Variants in MED22 observed in about 807,000 individuals in gnomAD.
MED22 encodes the protein mediator complex subunit 22, also known as mediator of RNA polymerase II transcription subunit 22.
MED22 carries 22 observed loss-of-function variants against 22.7 expected under a neutral mutation model. That is an observed-to-expected ratio of 0.97 (90% CI 0.69 to 1.38). The LOEUF is 1.38. Ranked by LOEUF, MED22 falls within the 40% of genes most tolerant of loss-of-function variation. MED22 has a pLI of 0.00. For synonymous variants in MED22, 134 were observed against 119.4 expected, an observed-to-expected ratio of 1.12 and a Z score of -0.80; for missense variants, 247 against 263.0, an observed-to-expected ratio of 0.94 and a Z score of 0.42.
At chr9:133,343,413 C>T in intron 4 of MED22, 1 of 1,224,874 alleles carries the variant, frequency 8.2e-7, no homozygotes, top group Admixed American at 4.2e-5. Flanking sequence ...TTCTCAGGGC[C>T]CCTCCAGCTC....
rs1835960488 is a variant in MED22 at position 133,339,468 on chromosome 9, G to T, written c.*2037C>A. 2.8e-6 allele frequency: 2 copies of T among 714,594 alleles called. No individual in the cohort carries two copies. The highest frequency in any genetic ancestry group is 2.6e-6 in the Non-Finnish European group (1 of 390,476). 44.3% of individuals were successfully genotyped at this position (714,594 alleles called of 1,614,324 possible). ...TTCCCTATGAATTCATGGCATCGTG[G>T]GTGTTAAAAAAATAAAAGACCTCTG... On this transcript the variant is annotated 3_prime_UTR_variant, in exon 5 of 5. Coordinates refer to ENST00000343730, the MANE Select transcript of MED22 (RefSeq NM_133640.5).
intron 4 of MED22, chr9:133,342,729 A>T (rs1836047027): frequency 1.0e-6 from 1 of 985,840 alleles, no homozygotes; most frequent in Admixed American, 6.1e-5. Flanking sequence ...GGCCTGCGGG[A>T]GGGGACACAG....
chr9:133,346,440 T>A, intron 2 of MED22, 100 bp downstream of exon 2: 1 of 1,481,246 alleles, frequency 6.8e-7, no homozygotes, highest in East Asian at 2.3e-5. Context: ...GGGTGCTTCC[T>A]GCCTAGAACA....
At chr9:133,343,634 G>A (rs2129957354) in intron 4 of MED22, 2 of 1,248,312 alleles carry the variant, frequency 1.6e-6, no homozygotes, top group Non-Finnish European at 1.0e-6. Flanking sequence ...TCCCATGACT[G>A]TCCCTGCCTC....
chr9:133,339,462 A>T lies in MED22; in HGVS notation c.*2043T>A. On this transcript the variant is annotated 3_prime_UTR_variant, in exon 5 of 5. Coordinates refer to ENST00000343730, the MANE Select transcript of MED22 (RefSeq NM_133640.5). ...AACCTCTTCCCTATGAATTCATGGC[A>T]TCGTGGGTGTTAAAAAAATAAAAGA... The T allele has an allele frequency of 1.4e-6, 1 of 729,346 alleles. No homozygotes were observed. Among genetic ancestry groups the T allele is most frequent in the Non-Finnish European group, 2.5e-6 (1 of 397,372 alleles). 45.2% of individuals were successfully genotyped at this position (729,346 alleles called of 1,614,324 possible). A position where few individuals can be genotyped will look rare whatever the true frequency, so the allele number is the denominator to read the frequency against.
At chr9:133,343,095 A>G in intron 4 of MED22, 1 of 1,003,974 alleles carries the variant, frequency 1.0e-6, no homozygotes, top group South Asian at 4.7e-5. Context: ...AGATTCCCTC[A>G]GAACCCCCTG....
chr9:133,339,025 A>C lies in MED22; in HGVS notation c.*2480T>G. On this transcript the variant is annotated 3_prime_UTR_variant, in exon 5 of 5. Coordinates refer to ENST00000343730, the MANE Select transcript of MED22 (RefSeq NM_133640.5). Reference sequence around the variant, plus strand: ...CAAAGGGAAAGAGGAGAGGCACCCAATATATGTTCTCTAGGCCTTTCAGAA... The same window carrying C: ...CAAAGGGAAAGAGGAGAGGCACCCACTATATGTTCTCTAGGCCTTTCAGAA... 1.2e-6 allele frequency: 1 copy of C among 830,346 alleles called. No individual in the cohort carries two copies. Among genetic ancestry groups the C allele is most frequent in the East Asian group, 2.8e-5 (1 of 35,366 alleles). 51.4% of individuals were successfully genotyped at this position (830,346 alleles called of 1,614,324 possible).
In MED22 at chr9:133,341,594, C is replaced by A. The variant is rs1461698850; in HGVS notation, c.514G>T (p.Ala172Ser). 2 of 1,585,864 alleles carry A rather than the reference C, an allele frequency of 1.3e-6. No individual in the cohort carries two copies. Among genetic ancestry groups the A allele is most frequent in the Admixed American group, 3.7e-5 (2 of 53,740 alleles). Residue 172 changes from alanine (A) to serine (S), a missense_variant, in exon 5 of 5, where the codon GCG (alanine) becomes TCG (serine). Coordinates refer to ENST00000343730, the MANE Select transcript of MED22 (RefSeq NM_133640.5). ...SADGLSAPLL[A>S]SPEPSAGPLQ... ...GGGCCAGCACTGGGCTCCGGGGACG[C>A]CAGCAGAGGGGCCGAGAGGCCATCA...
rs147438825 is a variant in MED22 at position 133,345,301 on chromosome 9, CA to C, written c.124-50del. 13,530 of 1,580,274 alleles carry C rather than the reference CA, an allele frequency of 8.6e-3. 723 individuals are homozygous for C. The African/African-American group carries it at 0.14, about 16-fold the overall frequency. On this transcript the variant is annotated intron_variant, in intron 2 of 4. Transcript: ENST00000343730. ...GAAATCAACCCAGCCAAGGCATCCC[CA>C]CCCCTGGCCCGGCCCAGCCCAGCTT... is the stretch of plus-strand genomic sequence containing the variant.
rs1835963906 is a variant in MED22, at chr9:133,339,723, G to A, written c.*1782C>T. The A allele has an allele frequency of 7.6e-6, 2 of 262,176 alleles. No individual in the cohort carries two copies. The highest frequency in any genetic ancestry group is 1.5e-5 in the Non-Finnish European group (2 of 135,670). 16.2% of individuals were successfully genotyped at this position (262,176 alleles called of 1,614,324 possible). A position where few individuals can be genotyped will look rare whatever the true frequency, so the allele number is the denominator to read the frequency against. On this transcript the variant is annotated 3_prime_UTR_variant, in exon 5 of 5. Coordinates refer to ENST00000343730, the MANE Select transcript of MED22 (RefSeq NM_133640.5). Reference sequence around the variant, plus strand: ...AGTTACATGGACTGAGAATGGGCCGGGGCTTAGCAATGTGGAGGCCACTGG... The same window carrying A: ...AGTTACATGGACTGAGAATGGGCCGAGGCTTAGCAATGTGGAGGCCACTGG...
At chr9:133,344,414 G>C (rs1022365340) in intron 3 of MED22, 81 bp from the exon 4 acceptor site, 2 of 1,444,088 alleles carry the variant, frequency 1.4e-6, no homozygotes, top group African/African-American at 2.8e-5. Context: ...CTGGGCAAGG[G>C]ATGGCCTCTC....
rs1323587680 is a variant in MED22 at position 133,347,948 on chromosome 9, C to T, written c.-65G>A. ...CGCCCCAGCGCCCGCACACCAGACG[C>T]CGCGTCCGCCGGGTCGGCCTAGGGC... On this transcript the variant is annotated 5_prime_UTR_variant, in exon 1 of 5. Transcript: ENST00000343730. 1 of 324,404 alleles carries T rather than the reference C, an allele frequency of 3.1e-6. No individual in the cohort carries two copies. Among genetic ancestry groups the T allele is most frequent in the Non-Finnish European group, 5.8e-6 (1 of 172,188 alleles). 20.1% of individuals were successfully genotyped at this position (324,404 alleles called of 1,614,324 possible).
rs2129969455 is a variant in MED22 at position 133,346,666 on chromosome 9, C to A, written c.-4G>T. ...GCAGGGCTCTCTGCTGGGCCATGGC[C>A]GAGCCTCAAGCAGCGCAGCGGGGAG... On this transcript the variant is annotated 5_prime_UTR_variant, in exon 2 of 5. Coordinates refer to ENST00000343730, the MANE Select transcript of MED22 (RefSeq NM_133640.5). 2 of 1,610,478 alleles carry A rather than the reference C, an allele frequency of 1.2e-6. No homozygotes were observed. The highest frequency in any genetic ancestry group is 1.7e-6 in the Non-Finnish European group (2 of 1,179,708).
Position 133,340,208 on chromosome 9 carries a change from G to T in MED22, c.*1297C>A, listed in dbSNP as rs192047881. The T allele has an allele frequency of 3.2e-4, 48 of 152,306 alleles. No homozygotes were observed. The highest frequency in any genetic ancestry group is 1.0e-3 in the South Asian group (5 of 4,822). 9.4% of individuals were successfully genotyped at this position (152,306 alleles called of 1,614,324 possible). ...CTCAGAGGGGAAGCAACTTCCCTAGGCCACCCCAGAAGCCAGGTCCAGAGC... is the reference window on the plus strand; with the variant it reads ...CTCAGAGGGGAAGCAACTTCCCTAGTCCACCCCAGAAGCCAGGTCCAGAGC... On this transcript the variant is annotated 3_prime_UTR_variant, in exon 5 of 5. Transcript: ENST00000343730.
intron 4 of MED22, chr9:133,342,691 C>CT (rs1781647112): frequency 7.1e-6 from 7 of 985,750 alleles, no homozygotes; most frequent in Non-Finnish European, 8.4e-6. Flanking sequence ...TGTGTGAGGC[C>CT]CCCCAGGGGG....
intron 4 of MED22, chr9:133,343,640 G>A: frequency 3.2e-6 from 4 of 1,248,700 alleles, no homozygotes; most frequent in Admixed American, 3.8e-5. Context: ...GACTGTCCCT[G>A]CCTCCACACT....
chr9:133,343,442 G>A (rs1757845406), intron 4 of MED22: 1 of 1,226,832 alleles, frequency 8.2e-7, no homozygotes, highest in Non-Finnish European at 1.0e-6. Flanking sequence ...GAAGGTTTCA[G>A]CTTCTTACGG....
At position 133,341,681 on chromosome 9, in the gene MED22, C is replaced by T. The variant is rs2129950163; in HGVS notation, c.427G>A (p.Glu143Lys). ...TCGCACAGAGGCAGGTCATTAGCTT[C>T]GCAAAGGCTTGAGCTTTTCCACCAC... ...EYYSSSSSLC[E>K]ANDLPLCEAY... is the part of the protein sequence containing the mutation. The change falls in exon 5 of 5, where the codon GAA becomes AAA. Residue 143 changes from glutamate (E) to lysine (K), a missense_variant. Glu to Lys is a moderately conservative substitution (Grantham distance 56, BLOSUM62 1). Transcript: ENST00000343730. The T allele has an allele frequency of 1.9e-5, 31 of 1,607,164 alleles. No individual in the cohort carries two copies. The highest frequency in any genetic ancestry group is 1.7e-4 in the Middle Eastern group (1 of 6,060).
rs1236260783 is a variant in MED22 at position 133,348,022 on chromosome 9, C to T, written c.-139G>A. On this transcript the variant is annotated 5_prime_UTR_variant, in exon 1 of 5. It adds an upstream start codon to the 5' untranslated region. Coordinates refer to ENST00000343730, the MANE Select transcript of MED22 (RefSeq NM_133640.5). The stretch of plus-strand genomic sequence containing the variant: ...CCCGCACTTTCCCGCGTCTCTCCCA[C>T]GGCCTGGCCCTCCCGCCGCAGTCTC... 2 of 638,358 alleles carry T rather than the reference C, an allele frequency of 3.1e-6. No individual in the cohort carries two copies. The highest frequency in any genetic ancestry group is 2.8e-6 in the Non-Finnish European group (1 of 362,434). The allele number at this position is 638,358 out of a possible 1,614,324, so 39.5% of individuals were successfully genotyped here.
Sources: gnomAD v4.1 joint callset for allele counts on GRCh38, gnomAD v4.1.1 for gene constraint, MANE v1.5 for transcripts, NCBI Gene and HGNC (gene_info 2026-07-23, HGNC 2026-07-21) for gene names.